PCDHA11: variants seen among roughly 807,000 people sequenced by gnomAD.
PCDHA11 encodes protocadherin alpha 11, also known as protocadherin alpha-11.
Under a neutral mutation model 70.3 loss-of-function variants are expected in PCDHA11, and 61 were observed. The observed-to-expected ratio is 0.87, with a 90% CI of 0.71 to 1.07. PCDHA11 has a LOEUF of 1.07. Ranked by LOEUF, PCDHA11 falls within the 50% of genes least tolerant of loss-of-function variation. The pLI is 0.00. For synonymous variants in PCDHA11, 633 were observed against 555.1 expected (o/e 1.14, Z -1.97); for missense variants, 1,324 against 1,237.5 (o/e 1.07, Z -1.05).
In PCDHA11 at chr5:140,969,100, C is replaced by T. The variant is rs781998624; in HGVS notation, c.2392-9849C>T. ...ATGGCCTCAAAGTGCAGCCTCACTT[C>T]ATTGAAGTTCGAGGGAATGGCTCCC... On this transcript the variant is annotated intron_variant, in intron 1 of 3. Coordinates refer to ENST00000398640, the MANE Select transcript of PCDHA11 (RefSeq NM_018902.5). The T allele has an allele frequency of 8.7e-6, 14 of 1,614,054 alleles. No individual in the cohort carries two copies. The South Asian group carries it at 8.8e-5, about 10-fold the overall frequency.
At chr5:140,883,349 GA>G in intron 1 of PCDHA11, 1 of 1,614,142 alleles carries the variant, frequency 6.2e-7, no homozygotes, top group Non-Finnish European at 8.5e-7. Flanking sequence ...CCCCATCAGA[GA>G]AGACACTCAG....
chr5:140,918,234 T>G (rs1188816850), intron 1 of PCDHA11, among the ~76,000 whole-genome samples: 1 of 152,210 alleles, frequency 6.6e-6, no homozygotes, highest in Non-Finnish European at 1.5e-5. Context: ...TTTTGTACAT[T>G]GATTTTGTAT....
chr5:140,977,923 C>T (rs573696974), intron 1 of PCDHA11, among the ~76,000 whole-genome samples: 2 of 151,828 alleles, frequency 1.3e-5, no homozygotes, highest in Admixed American at 1.3e-4. Flanking sequence ...TTTTTTCATT[C>T]AACTATACCT....
chr5:140,929,205 G>A (rs201292001), intron 1 of PCDHA11: 14 of 1,614,120 alleles, frequency 8.7e-6, no homozygotes, highest in Non-Finnish European at 1.2e-5. Flanking sequence ...GTTTGCTGTT[G>A]CGTGGGGAGT....
At chr5:140,877,207 G>T in intron 1 of PCDHA11, 1 of 1,613,796 alleles carries the variant, frequency 6.2e-7, no homozygotes, top group Non-Finnish European at 8.5e-7. Flanking sequence ...CGCAGTTAGC[G>T]AGTTGGTACC....
At chr5:140,890,223 G>C (rs1218987173) in intron 1 of PCDHA11, among the ~76,000 whole-genome samples, 3 of 152,108 alleles carry the variant, frequency 2.0e-5, no homozygotes, top group Non-Finnish European at 4.4e-5. Context: ...CAGAGACCTA[G>C]TTGTTAAGCA....
intron 1 of PCDHA11, among the ~76,000 whole-genome samples, chr5:140,969,939 G>A (rs188120855): frequency 4.6e-5 from 7 of 152,340 alleles, no homozygotes; most frequent in Admixed American, 2.6e-4. Context: ...ACATCATACT[G>A]AAGCTAAAGT....
intron 3 of PCDHA11, among the ~76,000 whole-genome samples, chr5:140,987,959 C>T (rs1222591572): frequency 1.3e-5 from 2 of 152,132 alleles, no homozygotes; most frequent in South Asian, 2.1e-4. Context: ...AAACCAACTC[C>T]CCATGGAAAG....
chr5:140,970,894 C>T (rs1302694264), intron 1 of PCDHA11, among the ~76,000 whole-genome samples: 1 of 152,090 alleles, frequency 6.6e-6, no homozygotes, highest in Non-Finnish European at 1.5e-5. Context: ...ATGGACATTT[C>T]AGATAGATTT....
At chr5:140,912,806 T>TA (rs1378576653) in intron 1 of PCDHA11, among the ~76,000 whole-genome samples, 2 of 152,232 alleles carry the variant, frequency 1.3e-5, no homozygotes, top group African/African-American at 4.8e-5. Context: ...TGAGGGTTTT[T>TA]ATCATAAAGG....
intron 1 of PCDHA11, among the ~76,000 whole-genome samples, chr5:140,904,267 A>C (rs2070997540): frequency 6.6e-6 from 1 of 152,016 alleles, no homozygotes; most frequent in South Asian, 2.1e-4. Context: ...CCCACTTATG[A>C]ATGAGAACAT....
At chr5:140,897,395 G>A (rs1583270355) in intron 1 of PCDHA11, among the ~76,000 whole-genome samples, 1 of 135,586 alleles carries the variant, frequency 7.4e-6, no homozygotes, top group Middle Eastern at 5.0e-3. Flanking sequence ...GTGTCCATGT[G>A]TTCTCATTGT....
At chr5:140,876,181 G>A in intron 1 of PCDHA11, 9 of 1,613,980 alleles carry the variant, frequency 5.6e-6, no homozygotes, top group Non-Finnish European at 7.6e-6. Flanking sequence ...GGATGTGAAT[G>A]ACAATGGTCC....
At chr5:140,907,377 C>T (rs2073348359) in intron 1 of PCDHA11, among the ~76,000 whole-genome samples, 1 of 152,124 alleles carries the variant, frequency 6.6e-6, no homozygotes, top group Non-Finnish European at 1.5e-5. Context: ...AAAGTGAGTG[C>T]CTTGGTCAAA....
intron 1 of PCDHA11, among the ~76,000 whole-genome samples, chr5:140,959,564 G>T (rs1440482785): frequency 6.6e-6 from 1 of 152,072 alleles, no homozygotes; most frequent in Non-Finnish European, 1.5e-5. Flanking sequence ...ATCAGTACTA[G>T]ATTTTTTGTT....
At chr5:140,981,049 T>C (rs2096916420) in intron 2 of PCDHA11, among the ~76,000 whole-genome samples, 1 of 152,158 alleles carries the variant, frequency 6.6e-6, no homozygotes. Context: ...AAACAGATAA[T>C]TCTAGAGTGT....
At chr5:140,926,281 T>A (rs2083071196) in intron 1 of PCDHA11, 1 of 152,306 alleles carries the variant, frequency 6.6e-6, no homozygotes, top group African/African-American at 2.4e-5. Context: ...GCTCGGCAGC[T>A]CCACGCTGAG....
Position 140,881,600 on chromosome 5 carries a change from A to G in PCDHA11, c.2391+10106A>G, listed in dbSNP as rs193128939. On this transcript the variant is annotated intron_variant, in intron 1 of 3. Coordinates refer to ENST00000398640, the MANE Select transcript of PCDHA11 (RefSeq NM_018902.5). ...GTCACATTGAGGGAAATTTATTAAT[A>G]TGATGTGCTTATTCAAAATCTGATA... 3.1e-3 allele frequency among the ~76,000 whole-genome samples: 469 copies of G among 152,338 alleles called. 3 individuals are homozygous for G. Among genetic ancestry groups the G allele is most frequent in the Middle Eastern group, 0.014 (4 of 294 alleles).
intron 3 of PCDHA11, among the ~76,000 whole-genome samples, chr5:141,007,673 A>C (rs2098339698): frequency 6.6e-6 from 1 of 152,136 alleles, no homozygotes; most frequent in African/African-American, 2.4e-5. Flanking sequence ...ACAAAGACAA[A>C]AGTTATCCTA....
Sources: allele counts gnomAD v4.1 joint callset (sites outside exome capture counted in the v4.1 genomes callset), GRCh38; gene constraint gnomAD v4.1.1; transcripts MANE v1.5; gene names NCBI Gene and HGNC (gene_info 2026-07-23, HGNC 2026-07-21).